Variants in CHL1 observed in about 807,000 individuals in gnomAD.
CHL1 encodes the protein cell adhesion molecule L1 like, also known as neural cell adhesion molecule L1-like protein.
Under a neutral mutation model 141.9 loss-of-function variants are expected in CHL1, and 96 were observed. That is an observed-to-expected ratio of 0.68 (90% CI 0.57 to 0.80). The LOEUF is 0.80. CHL1 is among the 30% of genes least tolerant of loss of function. CHL1 has a pLI of 0.00. For synonymous variants in CHL1, 613 were observed against 502.2 expected (o/e 1.22, Z -2.95); for missense variants, 1,820 against 1,457.2 (o/e 1.25, Z -4.05).
intron 2 of CHL1, among the ~76,000 whole-genome samples, chr3:278,071 T>C (rs549040183): frequency 6.6e-6 from 1 of 152,354 alleles, no homozygotes; most frequent in East Asian, 1.9e-4. Context: ...CCTCAACTCA[T>C]GACTGAAACT....
intron 10 of CHL1, among the ~76,000 whole-genome samples, chr3:350,501 A>G (rs977375094): frequency 2.0e-5 from 3 of 152,206 alleles, no homozygotes; most frequent in African/African-American, 7.2e-5. Context: ...ACTACAATTT[A>G]GTGAACTAGT....
In CHL1 at chr3:408,270, C is replaced by T. The variant is rs1046591291; in HGVS notation, c.*2559C>T. On this transcript the variant is annotated 3_prime_UTR_variant, in exon 28 of 28. Coordinates refer to ENST00000256509, the MANE Select transcript of CHL1 (RefSeq NM_006614.4). The stretch of plus-strand genomic sequence containing the variant: ...TCGTTACTGGCTTTACCCTAACTTT[C>T]TCTAGTCTACTGTCAATATCATTTT... The T allele has an allele frequency of 2.0e-5, 3 of 152,070 alleles. No individual in the cohort carries two copies. The highest frequency in any genetic ancestry group is 7.2e-5 in the African/African-American group (3 of 41,412). 9.4% of individuals were successfully genotyped at this position (152,070 alleles called of 1,614,324 possible). A position where few individuals can be genotyped will look rare whatever the true frequency, so the allele number is the denominator to read the frequency against.
At chr3:204,548 A>T (rs1356764355) in intron 1 of CHL1, among the ~76,000 whole-genome samples, 1 of 152,212 alleles carries the variant, frequency 6.6e-6, no homozygotes, top group Non-Finnish European at 1.5e-5. Flanking sequence ...GAATGTGGGG[A>T]TTTTGATGAT....
chr3:234,740 A>G (rs1559311264), intron 1 of CHL1, among the ~76,000 whole-genome samples: 3 of 152,108 alleles, frequency 2.0e-5, no homozygotes, highest in Admixed American at 1.3e-4. Flanking sequence ...CTATGTTTAG[A>G]CAAGTTCCTA....
At chr3:309,869 A>C (rs1699609884) in intron 2 of CHL1, among the ~76,000 whole-genome samples, 1 of 152,172 alleles carries the variant, frequency 6.6e-6, no homozygotes, top group Non-Finnish European at 1.5e-5. Context: ...GTTGTAATCA[A>C]ACATTATATA....
At chr3:318,309 G>A (rs1700296280) in intron 2 of CHL1, among the ~76,000 whole-genome samples, 2 of 151,790 alleles carry the variant, frequency 1.3e-5, no homozygotes, top group African/African-American at 4.8e-5. Context: ...GAAATACTTA[G>A]AATTTAATGT....
intron 27 of CHL1, among the ~76,000 whole-genome samples, chr3:402,248 G>A (rs747630848): frequency 2.2e-4 from 34 of 152,184 alleles, no homozygotes; most frequent in Non-Finnish European, 2.1e-4. Context: ...GATAAGCTAA[G>A]CCTTAAAGGA....
At chr3:218,414 C>T (rs918095742) in intron 1 of CHL1, among the ~76,000 whole-genome samples, 36 of 152,264 alleles carry the variant, frequency 2.4e-4, no homozygotes, top group Middle Eastern at 3.4e-3. Context: ...ATATCTTTTT[C>T]CTTAATATAC....
intron 15 of CHL1, among the ~76,000 whole-genome samples, chr3:375,824 T>A (rs547692339): frequency 6.6e-6 from 1 of 152,234 alleles, no homozygotes; most frequent in South Asian, 2.1e-4. Context: ...GTACAAATAA[T>A]AATTGATGGA....
At chr3:328,026 T>A in intron 4 of CHL1, 141 bp from the exon 5 acceptor site, 1 of 475,292 alleles carries the variant, frequency 2.1e-6, no homozygotes, top group Non-Finnish European at 3.6e-6. Context: ...AGACCCTTAT[T>A]TATATCCTGT....
chr3:296,437 T>TC (rs1416892742), intron 2 of CHL1, among the ~76,000 whole-genome samples: 2 of 151,696 alleles, frequency 1.3e-5, no homozygotes, highest in African/African-American at 4.9e-5. Context: ...TCTCATGCTT[T>TC]TTTTTCTTCC....
At chr3:391,234 G>A (rs1045581034) in intron 22 of CHL1, 75 bp downstream of exon 22, 8 of 1,190,988 alleles carry the variant, frequency 6.7e-6, no homozygotes, top group African/African-American at 1.5e-5. Context: ...CTTCCTTATG[G>A]CCAGGCACAG....
chr3:292,783 G>C (rs1239610936), intron 2 of CHL1, among the ~76,000 whole-genome samples: 1 of 152,164 alleles, frequency 6.6e-6, no homozygotes, highest in Non-Finnish European at 1.5e-5. Flanking sequence ...GAGCAAGAGG[G>C]AGAGAGTGGG....
At chr3:222,170 A>C (rs772805296) in intron 1 of CHL1, among the ~76,000 whole-genome samples, 16 of 152,246 alleles carry the variant, frequency 1.1e-4, no homozygotes, top group Non-Finnish European at 1.9e-4. Context: ...GCTTAAACCA[A>C]CATACCTTTT....
In CHL1 at chr3:322,666, AT is replaced by A. The variant is rs1559252980; in HGVS notation, c.91+2800del. Among the ~76,000 whole-genome samples the A allele has an allele frequency of 1.2e-3, 163 of 132,702 alleles. 1 individual carries two copies. Among genetic ancestry groups the A allele is most frequent in the African/African-American group, 4.5e-3 (150 of 33,104 alleles). 87.1% of individuals were successfully genotyped at this position (132,702 alleles called of 152,430 possible). A position where few individuals can be genotyped will look rare whatever the true frequency, so the allele number is the denominator to read the frequency against. The stretch of plus-strand genomic sequence containing the variant: ...ATAAAATATATATATATATATATAT[AT>A]ATAATTATATATATATATATAAAAC... On this transcript the variant is annotated intron_variant, in intron 3 of 27. Transcript: ENST00000256509.
At chr3:287,244 C>G (rs1697240921) in intron 2 of CHL1, among the ~76,000 whole-genome samples, 1 of 151,988 alleles carries the variant, frequency 6.6e-6, no homozygotes, top group African/African-American at 2.4e-5. Context: ...TATTTACCAT[C>G]ATTAGAATGT....
chr3:391,144 C>CAAA lies in CHL1; in HGVS notation c.2777_2779dup (p.Gln926_Thr927insLys). ...TCCTGAAAGTGAGCCTTATATATTTCAAACACCAGAAGGAGGTGAGAGGAT... is the reference window on the plus strand; with the variant it reads ...TCCTGAAAGTGAGCCTTATATATTTCAAAAAACACCAGAAGGAGGTGAGAGGAT... On this transcript the variant is annotated inframe_insertion, in exon 22 of 28. Transcript: ENST00000256509. The CAAA allele has an allele frequency of 6.2e-7, 1 of 1,610,538 alleles. No homozygotes were observed. Among genetic ancestry groups the CAAA allele is most frequent in the Non-Finnish European group, 8.5e-7 (1 of 1,176,892 alleles).
At chr3:299,995 G>T (rs1264422177) in intron 2 of CHL1, among the ~76,000 whole-genome samples, 1 of 152,206 alleles carries the variant, frequency 6.6e-6, no homozygotes, top group Non-Finnish European at 1.5e-5. Flanking sequence ...GTAGGAGAAT[G>T]AAAGGATCAG....
chr3:307,301 C>G (rs755111217), intron 2 of CHL1, among the ~76,000 whole-genome samples: 2 of 152,168 alleles, frequency 1.3e-5, no homozygotes, highest in Non-Finnish European at 2.9e-5. Context: ...AGTATGTGTA[C>G]ACATGCACAA....
Sources: allele counts gnomAD v4.1 joint callset (sites outside exome capture counted in the v4.1 genomes callset), GRCh38; gene constraint gnomAD v4.1.1; transcripts MANE v1.5; gene names NCBI Gene and HGNC (gene_info 2026-07-23, HGNC 2026-07-21).